CEP68: variants seen among roughly 807,000 people sequenced by gnomAD.
CEP68 encodes centrosomal protein 68, also known as centrosomal protein of 68 kDa.
A neutral mutation model predicts 55.3 loss-of-function variants in CEP68; 26 were observed. The observed-to-expected ratio is 0.47, with a 90% CI of 0.34 to 0.65. The LOEUF (loss-of-function observed/expected upper bound fraction) is 0.65, where lower values mean the gene tolerates loss of function less well. Ranked by LOEUF, CEP68 falls within the 30% of genes least tolerant of loss-of-function variation. The pLI, the probability that CEP68 is intolerant of heterozygous loss-of-function variation, is 0.01. For synonymous variants in CEP68, 402 were observed against 383.2 expected (o/e 1.05, Z -0.57); for missense variants, 957 against 946.7 (o/e 1.01, Z -0.14).
At chr2:65,081,752 C>T (rs1019584321) in intron 5 of CEP68, among the ~76,000 whole-genome samples, 1 of 152,158 alleles carries the variant, frequency 6.6e-6, no homozygotes, top group East Asian at 1.9e-4. Flanking sequence ...GGCTGGAGTG[C>T]GATGGCACAG....
At position 65,075,899 on chromosome 2, in the gene CEP68, G is replaced by A. The variant is rs538705380; in HGVS notation, c.2007+1495G>A. 6.4e-4 allele frequency among the ~76,000 whole-genome samples: 97 copies of A among 152,194 alleles called. 1 individual carries two copies. In the Middle Eastern group the frequency reaches 0.014, roughly 21 times the overall value. On this transcript the variant is annotated intron_variant, in intron 4 of 6. Coordinates refer to ENST00000377990, the MANE Select transcript of CEP68 (RefSeq NM_015147.3). ...CTGAGCTGACTGAGGGCCTTCCTGG[G>A]ACCGTACTCCAGCTAGAGGAAGGGA...
At chr2:65,078,107 T>G in intron 5 of CEP68, 143 bp downstream of exon 5, 1 of 582,636 alleles carries the variant, frequency 1.7e-6, no homozygotes. Context: ...ATGCCCCATC[T>G]GCCAGCTCCA....
In CEP68 at chr2:65,074,411, T is replaced by C. The variant is rs772357679; in HGVS notation, c.2007+7T>C. 3.3e-5 allele frequency: 53 copies of C among 1,614,006 alleles called. No homozygotes were observed. In the Admixed American group the frequency reaches 3.8e-4, roughly 12 times the overall value. On this transcript the variant is annotated splice_region_variant and intron_variant, in intron 4 of 6. Transcript: ENST00000377990. ...TTCTCTGCAGCTTTACCGGGTAATA[T>C]GCGGTCCTGGCTCTGGCTTGTTCCC...
intron 1 of CEP68, among the ~76,000 whole-genome samples, chr2:65,061,937 T>C (rs1397250896): frequency 6.6e-6 from 1 of 152,252 alleles, no homozygotes; most frequent in Non-Finnish European, 1.5e-5. Flanking sequence ...TCCTGCCTTC[T>C]GTTTCCTTGT....
At chr2:65,068,264 T>C in intron 1 of CEP68, among the ~76,000 whole-genome samples, 1 of 152,218 alleles carries the variant, frequency 6.6e-6, no homozygotes, top group East Asian at 1.9e-4. Context: ...CAACTTTTGC[T>C]GGCATGCTTA....
At chr2:65,064,200 T>C (rs78248679) in intron 1 of CEP68, among the ~76,000 whole-genome samples, 2,554 of 152,310 alleles carry the variant, frequency 0.017, 52 homozygotes, top group Non-Finnish European at 0.021. Context: ...TACTTAGGGA[T>C]GTCAACTGAA....
intron 4 of CEP68, 80 bp from the exon 5 acceptor site, chr2:65,077,788 A>G (rs2103792571): frequency 9.5e-7 from 1 of 1,055,804 alleles, no homozygotes; most frequent in Admixed American, 2.0e-5. Context: ...AGGCTTCCCT[A>G]CATGCTGTGC....
chr2:65,085,220 T>C lies in CEP68; in HGVS notation c.*1586T>C, dbSNP rs759552453. ...ATAAAAGTTGGAGATGAAAACCCTATAGAAACAAATTGGCCAATATTATAC... is the reference window on the plus strand; with the variant it reads ...ATAAAAGTTGGAGATGAAAACCCTACAGAAACAAATTGGCCAATATTATAC... On this transcript the variant is annotated 3_prime_UTR_variant, in exon 7 of 7. Transcript: ENST00000377990. 5.3e-5 allele frequency: 8 copies of C among 152,288 alleles called. No individual in the cohort carries two copies. The South Asian group carries it at 8.3e-4, about 16-fold the overall frequency. The allele number at this position is 152,288 out of a possible 1,614,324, so 9.4% of individuals were successfully genotyped here.
intron 4 of CEP68, chr2:65,074,910 G>A: frequency 5.1e-6 from 1 of 195,432 alleles, no homozygotes. Context: ...GGCTATTGAA[G>A]TAAAATTAAA....
rs143413283 is a variant in CEP68 at position 65,059,175 on chromosome 2, C to A, written c.-47+2647C>A. 3.0e-3 allele frequency among the ~76,000 whole-genome samples: 463 copies of A among 152,292 alleles called. 1 individual carries two copies. Among genetic ancestry groups the A allele is most frequent in the African/African-American group, 0.011 (440 of 41,526 alleles). On this transcript the variant is annotated intron_variant, in intron 1 of 6. Coordinates refer to ENST00000377990, the MANE Select transcript of CEP68 (RefSeq NM_015147.3). ...TCCTATCTTTAATGTTGTTCACCAA[C>A]ATCATGAAAAGCCCAAGAAATGTTC...
At position 65,084,133 on chromosome 2, in the gene CEP68, A is replaced by G. The variant is rs1668952058; in HGVS notation, c.*499A>G. 1 of 152,242 alleles carries G rather than the reference A, an allele frequency of 6.6e-6. No individual in the cohort carries two copies. Among genetic ancestry groups the G allele is most frequent in the African/African-American group, 2.4e-5 (1 of 41,464 alleles). 9.4% of individuals were successfully genotyped at this position (152,242 alleles called of 1,614,324 possible). A position where few individuals can be genotyped will look rare whatever the true frequency, so the allele number is the denominator to read the frequency against. On this transcript the variant is annotated 3_prime_UTR_variant, in exon 7 of 7. Transcript: ENST00000377990. The stretch of plus-strand genomic sequence containing the variant: ...TCCCTCTTTAAAGATATAGGTAGAA[A>G]GAAGAGATTTTTAACCCTTTGTCTG...
Position 65,071,515 on chromosome 2 carries a change from C to T in CEP68, c.419C>T (p.Thr140Ile). Residue 140 changes from threonine (T) to isoleucine (I), a missense_variant, in exon 3 of 7, where the codon ACA becomes ATA. Physicochemically the swap from Thr to Ile is moderately conservative, Grantham distance 89. Coordinates refer to ENST00000377990, the MANE Select transcript of CEP68 (RefSeq NM_015147.3). ...CCTCAGACTCTGAGCCTTCCCAGAACAACAACTATTTGCTCAGGACATGAT... is the reference window on the plus strand; with the variant it reads ...CCTCAGACTCTGAGCCTTCCCAGAATAACAACTATTTGCTCAGGACATGAT... ...EFPQTLSLPR[T>I]TTICSGHDAD... 7.9e-7 allele frequency: 1 copy of T among 1,263,352 alleles called. No homozygotes were observed. Among genetic ancestry groups the T allele is most frequent in the Non-Finnish European group, 1.1e-6 (1 of 903,852 alleles). The allele number at this position is 1,263,352 out of a possible 1,614,324, so 78.3% of individuals were successfully genotyped here. A position where few individuals can be genotyped will look rare whatever the true frequency, so the allele number is the denominator to read the frequency against.
At chr2:65,065,257 G>T (rs1676110602) in intron 1 of CEP68, among the ~76,000 whole-genome samples, 1 of 152,244 alleles carries the variant, frequency 6.6e-6, no homozygotes, top group Non-Finnish European at 1.5e-5. Flanking sequence ...TCATGCTGAG[G>T]ATGTGCCAGC....
At chr2:65,080,530 C>T in intron 5 of CEP68, 2 of 985,376 alleles carry the variant, frequency 2.0e-6, no homozygotes, top group Non-Finnish European at 2.4e-6. Context: ...AATAAAAGTT[C>T]AAAAGCGTCC....
At position 65,077,944 on chromosome 2, in the gene CEP68, G is replaced by A. The variant is rs1161046785; in HGVS notation, c.2084G>A (p.Cys695Tyr). 1 of 1,613,674 alleles carries A rather than the reference G, an allele frequency of 6.2e-7. No individual in the cohort carries two copies. The highest frequency in any genetic ancestry group is 1.7e-5 in the Admixed American group (1 of 60,004). Residue 695 changes from cysteine (C) to tyrosine (Y), a missense_variant, in exon 5 of 7, where the codon TGC becomes TAC. Coordinates refer to ENST00000377990, the MANE Select transcript of CEP68 (RefSeq NM_015147.3). ...CAGAAGGGGGAGATTCTTCTTCAGT[G>A]CCTGTTGGAGAACACCCCAGGTGAG... is the stretch of plus-strand genomic sequence containing the variant. ...VLQKGEILLQ[C>Y]LLENTPVLED...
intron 5 of CEP68, among the ~76,000 whole-genome samples, chr2:65,078,556 G>T (rs1449982810): frequency 1.3e-5 from 2 of 152,178 alleles, no homozygotes; most frequent in Non-Finnish European, 2.9e-5. Context: ...TTTTGCTTTT[G>T]AGATGGAGTT....
Position 65,069,663 on chromosome 2 carries a change from C to T in CEP68, c.219C>T (p.Gly73=), listed in dbSNP as rs773958329. The T allele has an allele frequency of 6.2e-7, 1 of 1,614,042 alleles. No homozygotes were observed. Among genetic ancestry groups the T allele is most frequent in the Non-Finnish European group, 8.5e-7 (1 of 1,180,028 alleles). ...APTCWIGTDP[G]GPSRAHQPQA... is the part of the protein sequence containing the mutation. ...CTTGCTGGATTGGGACTGACCCTGG[C>T]GGCCCCTCTAGAGCCCACCAGCCAC... Residue 73 remains glycine (G), a synonymous_variant, in exon 2 of 7, where the codon GGC becomes GGT. Coordinates refer to ENST00000377990, the MANE Select transcript of CEP68 (RefSeq NM_015147.3).
intron 5 of CEP68, among the ~76,000 whole-genome samples, chr2:65,079,161 G>A (rs1676895177): frequency 6.6e-6 from 1 of 152,236 alleles, no homozygotes; most frequent in African/African-American, 2.4e-5. Flanking sequence ...GCAAAGCTGG[G>A]CAGGTCCCAC....
In CEP68 at chr2:65,086,960, A is replaced by T. The variant is rs557212318; in HGVS notation, c.*3326A>T. The stretch of plus-strand genomic sequence containing the variant: ...CTTACCACTTATTTTTGTACCATGT[A>T]TTTCAATTGCCTGTTTAGTGAAAAA... On this transcript the variant is annotated 3_prime_UTR_variant, in exon 7 of 7. Coordinates refer to ENST00000377990, the MANE Select transcript of CEP68 (RefSeq NM_015147.3). The T allele has an allele frequency of 6.6e-6, 1 of 152,670 alleles. No individual in the cohort carries two copies. Among genetic ancestry groups the T allele is most frequent in the South Asian group, 2.1e-4 (1 of 4,828 alleles). 9.5% of individuals were successfully genotyped at this position (152,670 alleles called of 1,614,324 possible).
Sources: gnomAD v4.1 joint callset for allele counts (sites outside exome capture counted in the v4.1 genomes callset) on GRCh38, gnomAD v4.1.1 for gene constraint, MANE v1.5 for transcripts, NCBI Gene and HGNC (gene_info 2026-07-23, HGNC 2026-07-21) for gene names.